Variants in MTA1 observed in about 807,000 individuals in gnomAD.
MTA1 encodes the protein metastasis associated 1.
MTA1 carries 15 observed loss-of-function variants against 97.0 expected under a neutral mutation model. The observed-to-expected ratio is 0.15, with a 90% CI of 0.10 to 0.24. MTA1 has a LOEUF of 0.24. MTA1 is among the 10% of genes least tolerant of loss of function. The probability of loss-of-function intolerance (pLI) is 1.00; values close to 1 mark genes in which losing one functional copy is unlikely to be tolerated. For synonymous variants in MTA1, 435 were observed against 417.5 expected, an observed-to-expected ratio of 1.04 and a Z score of -0.51; for missense variants, 709 against 1,015.1, an observed-to-expected ratio of 0.70 and a Z score of 4.10.
At chr14:105,461,316 T>C (rs1555431015) in intron 10 of MTA1, among the ~76,000 whole-genome samples, 4 of 152,222 alleles carry the variant, frequency 2.6e-5, no homozygotes. Flanking sequence ...TGCTTTGTTT[T>C]TGACTAAGCT....
chr14:105,468,170 G>A (rs1262101778), intron 18 of MTA1: 14 of 520,520 alleles, frequency 2.7e-5, no homozygotes, highest in South Asian at 1.5e-4. Context: ...AGCTGAGCTC[G>A]AGTGAGGGCC....
At position 105,443,434 on chromosome 14, in the gene MTA1, C is replaced by T. The variant is rs587593631; in HGVS notation, c.97-1984C>T. 1.8e-4 allele frequency among the ~76,000 whole-genome samples: 27 copies of T among 152,332 alleles called. No homozygotes were observed. In the South Asian group the frequency reaches 5.4e-3, roughly 30 times the overall value. ...TTGCTCAGACCAGAGTGCAGTGGCA[C>T]GATCTCAACTCATTGCAGCCTTGAC... is the stretch of plus-strand genomic sequence containing the variant. On this transcript the variant is annotated intron_variant, in intron 2 of 20. Coordinates refer to ENST00000331320, the MANE Select transcript of MTA1 (RefSeq NM_004689.4).
In MTA1 at chr14:105,463,961, C is replaced by G. The variant is rs1595411433; in HGVS notation, c.1077-71C>G. ...GGACAAGGGGTGGTCAGCCGCGGTG[C>G]CTGCTGGGCACATGGGCCCTCGAGG... is the stretch of plus-strand genomic sequence containing the variant. On this transcript the variant is annotated intron_variant, in intron 12 of 20. Transcript: ENST00000331320. The surrounding 1 kb of genome is among the most constrained non-coding windows in gnomAD (Gnocchi z 5.9). 2 of 1,474,914 alleles carry G rather than the reference C, an allele frequency of 1.4e-6. No individual in the cohort carries two copies. The highest frequency in any genetic ancestry group is 4.5e-5 in the East Asian group (2 of 43,996). The allele number at this position is 1,474,914 out of a possible 1,614,324, so 91.4% of individuals were successfully genotyped here. A position where few individuals can be genotyped will look rare whatever the true frequency, so the allele number is the denominator to read the frequency against.
At position 105,424,879 on chromosome 14, in the gene MTA1, A is replaced by G. The variant is rs1555421873; in HGVS notation, c.28+4816A>G. Among the ~76,000 whole-genome samples the G allele has an allele frequency of 1.3e-5, 2 of 152,260 alleles. No homozygotes were observed. The highest frequency in any genetic ancestry group is 2.9e-5 in the Non-Finnish European group (2 of 68,034). ...CTGTCAGTGAGAGATGTTGGAATATATGGTCCAATGAAGCACATCCCTCGC... is the reference window on the plus strand; with the variant it reads ...CTGTCAGTGAGAGATGTTGGAATATGTGGTCCAATGAAGCACATCCCTCGC... On this transcript the variant is annotated intron_variant, in intron 1 of 20. Coordinates refer to ENST00000331320, the MANE Select transcript of MTA1 (RefSeq NM_004689.4). This position sits in a 1 kb window ranked among gnomAD's most constrained non-coding sequence, Gnocchi z 4.0.
chr14:105,423,544 G>A (rs2081915923), intron 1 of MTA1, among the ~76,000 whole-genome samples: 1 of 152,030 alleles, frequency 6.6e-6, no homozygotes, highest in African/African-American at 2.4e-5. Flanking sequence ...AAAAGTTGAG[G>A]CTGGGTGACA....
Position 105,466,593 on chromosome 14 carries a change from C to A in MTA1, c.1777+15C>A, listed in dbSNP as rs372660294. On this transcript the variant is annotated intron_variant, in intron 17 of 20. Transcript: ENST00000331320. ...CGGGGTGGACGGTGAGTGGCCCCCCCGCCCGGTGAGTGTGGCCCTCCCCGC... is the reference window on the plus strand; with the variant it reads ...CGGGGTGGACGGTGAGTGGCCCCCCAGCCCGGTGAGTGTGGCCCTCCCCGC... 1.3e-5 allele frequency: 20 copies of A among 1,565,900 alleles called. No individual in the cohort carries two copies. The highest frequency in any genetic ancestry group is 4.7e-5 in the East Asian group (2 of 42,448).
chr14:105,470,114 C>A lies in MTA1; in HGVS notation c.2047C>A (p.Arg683=). The change falls in exon 21 of 21, where the codon CGG becomes AGG. Residue 683 remains arginine (R), a synonymous_variant. Transcript: ENST00000331320. The stretch of plus-strand genomic sequence containing the variant: ...CTCGGAAACCAAGCGTGCTGCCCGC[C>A]GGCCCTACAAGCCCATCGCCCTGCG... ...SSSETKRAAR[R]PYKPIALRQS... The A allele has an allele frequency of 6.2e-7, 1 of 1,612,572 alleles. No individual in the cohort carries two copies. Among genetic ancestry groups the A allele is most frequent in the Non-Finnish European group, 8.5e-7 (1 of 1,179,856 alleles).
intron 1 of MTA1, among the ~76,000 whole-genome samples, chr14:105,423,289 G>A (rs370487752): frequency 8.4e-5 from 12 of 142,194 alleles, no homozygotes; most frequent in African/African-American, 3.0e-4. Context: ...GCGCGATTTC[G>A]GCTCACTGCA....
chr14:105,465,705 G>C (rs978141202), intron 16 of MTA1: 1 of 152,640 alleles, frequency 6.6e-6, no homozygotes, highest in Non-Finnish European at 1.5e-5. Context: ...CTTTGCCTTT[G>C]AGCATCTGAG....
At chr14:105,440,372 C>T (rs1425097606) in intron 2 of MTA1, among the ~76,000 whole-genome samples, 10 of 152,180 alleles carry the variant, frequency 6.6e-5, no homozygotes, top group African/African-American at 1.9e-4. Flanking sequence ...AGTGGAGGGG[C>T]GGCCGGCAGA....
rs1332165264 is a variant in MTA1, at chr14:105,419,906, G to GGCGGCA, written c.-127_-122dup. On this transcript the variant is annotated 5_prime_UTR_variant, in exon 1 of 21. Transcript: ENST00000331320. The stretch of plus-strand genomic sequence containing the variant: ...CCTCGGCGGCGGCGGCGGCGGCGGC[G>GGCGGCA]GCGGCAGCAGCGCGGCCCCTTTAAA... The GGCGGCA allele has an allele frequency of 3.3e-5, 8 of 244,868 alleles. No individual in the cohort carries two copies. Among genetic ancestry groups the GGCGGCA allele is most frequent in the Admixed American group, 1.3e-4 (2 of 14,860 alleles). The allele number at this position is 244,868 out of a possible 1,614,324, so 15.2% of individuals were successfully genotyped here.
At position 105,449,527 on chromosome 14, in the gene MTA1, C is replaced by T. The variant is rs587708537; in HGVS notation, c.241+118C>T. ...CGCCTGCATGCCTGTGCCCTGCGCCCGGCCGGCCCGGCTGAGGAGGGGCCC... is the reference window on the plus strand; with the variant it reads ...CGCCTGCATGCCTGTGCCCTGCGCCTGGCCGGCCCGGCTGAGGAGGGGCCC... On this transcript the variant is annotated intron_variant, in intron 4 of 20. Coordinates refer to ENST00000331320, the MANE Select transcript of MTA1 (RefSeq NM_004689.4). The T allele has an allele frequency of 3.7e-3, 4,085 of 1,113,766 alleles. 26 individuals carry two copies. Among genetic ancestry groups the T allele is most frequent in the South Asian group, 0.012 (768 of 63,734 alleles). The allele number at this position is 1,113,766 out of a possible 1,614,324, so 69.0% of individuals were successfully genotyped here. A position where few individuals can be genotyped will look rare whatever the true frequency, so the allele number is the denominator to read the frequency against.
At position 105,449,097 on chromosome 14, in the gene MTA1, C is replaced by T. The variant is rs1235410549; in HGVS notation, c.191-262C>T. The T allele has an allele frequency of 1.1e-5, 5 of 472,758 alleles. No homozygotes were observed. The Admixed American group carries it at 1.6e-4, about 15-fold the overall frequency. The allele number at this position is 472,758 out of a possible 1,614,324, so 29.3% of individuals were successfully genotyped here. On this transcript the variant is annotated intron_variant, in intron 3 of 20. Coordinates refer to ENST00000331320, the MANE Select transcript of MTA1 (RefSeq NM_004689.4). ...AGTGGAGTGGGGGCAGGGGTGGCCT[C>T]TGGACAGGGGCCCTCCACAGCCAGG...
intron 6 of MTA1, among the ~76,000 whole-genome samples, chr14:105,450,780 T>C (rs587739568): frequency 1.3e-5 from 2 of 152,310 alleles, no homozygotes; most frequent in Admixed American, 1.3e-4. Flanking sequence ...TATACGGTGT[T>C]AACCTGCCGT....
rs587774290 is a variant in MTA1 at position 105,464,350 on chromosome 14, G to A, written c.1193-66G>A. ...TGGGGGCGGCCGGCGTGGGGGTGGC[G>A]GGGAATACTCTGACATCGCTGGTTC... is the stretch of plus-strand genomic sequence containing the variant. On this transcript the variant is annotated intron_variant, in intron 13 of 20. Transcript: ENST00000331320. The A allele has an allele frequency of 1.4e-4, 222 of 1,591,038 alleles. 1 individual carries two copies. In the South Asian group the frequency reaches 1.8e-3, roughly 13 times the overall value.
intron 3 of MTA1, 190 bp from the exon 4 acceptor site, chr14:105,449,169 A>G: frequency 5.4e-6 from 3 of 557,122 alleles, no homozygotes. Context: ...GTGGATGGGC[A>G]GCCAGAGTGG....
intron 6 of MTA1, among the ~76,000 whole-genome samples, chr14:105,453,148 G>T (rs1174318165): frequency 6.6e-6 from 1 of 152,290 alleles, no homozygotes; most frequent in African/African-American, 2.4e-5. Context: ...GGCAGCCTGG[G>T]GGCCCTGGTG....
At chr14:105,441,658 G>A (rs969656483) in intron 2 of MTA1, among the ~76,000 whole-genome samples, 9 of 152,172 alleles carry the variant, frequency 5.9e-5, no homozygotes, top group East Asian at 1.9e-4. Flanking sequence ...GCCGGGCGTG[G>A]TGGCGGGCGC....
chr14:105,425,941 GGGTCTGA>G (rs1476547743), intron 1 of MTA1, among the ~76,000 whole-genome samples: 2 of 152,052 alleles, frequency 1.3e-5, no homozygotes, highest in African/African-American at 4.8e-5. Flanking sequence ...CGCACCTGAG[GGGTCTGA>G]GGTGACCGCT....
Sources: gnomAD v4.1 joint callset for allele counts (sites outside exome capture counted in the v4.1 genomes callset) on GRCh38, gnomAD v4.1.1 for gene constraint, Gnocchi (gnomAD v3.1) non-coding constraint, MANE v1.5 for transcripts, NCBI Gene and HGNC (gene_info 2026-07-23, HGNC 2026-07-21) for gene names.